UNC5D: variants seen among roughly 807,000 people sequenced by gnomAD.
UNC5D encodes netrin receptor UNC5D.
Under a neutral mutation model 105.4 loss-of-function variants are expected in UNC5D, and 39 were observed. The ratio of observed to expected loss-of-function variants is 0.37; its 90% CI spans 0.29 to 0.48. UNC5D has a LOEUF of 0.48. UNC5D is among the 20% of genes least tolerant of loss of function. The probability of loss-of-function intolerance (pLI) is 0.98; values close to 1 mark genes in which losing one functional copy is unlikely to be tolerated. For missense variants in UNC5D, 991 were observed against 1,202.4 expected, an observed-to-expected ratio of 0.82 and a Z score of 2.60; for synonymous variants, 452 against 450.4, an observed-to-expected ratio of 1.00 and a Z score of -0.04.
At chr8:35,313,782 A>G (rs192930373) in intron 1 of UNC5D, among the ~76,000 whole-genome samples, 82 of 152,284 alleles carry the variant, frequency 5.4e-4, no homozygotes, top group Admixed American at 2.1e-3. Flanking sequence ...ACATGGACAT[A>G]ATAACAGTAC....
Position 35,508,136 on chromosome 8 carries a change from A to G in UNC5D, c.104-41156A>G, listed in dbSNP as rs1812457508. Among the ~76,000 whole-genome samples the G allele has an allele frequency of 1.3e-5, 2 of 152,164 alleles. 1 individual carries two copies. The highest frequency in any genetic ancestry group is 1.3e-4 in the Admixed American group (2 of 15,286). On this transcript the variant is annotated intron_variant, in intron 1 of 16. Transcript: ENST00000404895. ...AACAATCCCAAGGCTGTTGCACAAA[A>G]TGAAGGGGTGAATATATGTGGAAGT...
chr8:35,646,284 A>G (rs1280596445), intron 4 of UNC5D, among the ~76,000 whole-genome samples: 3 of 152,130 alleles, frequency 2.0e-5, no homozygotes, highest in African/African-American at 4.8e-5. Context: ...CTACAACATT[A>G]AAACATTCTT....
intron 11 of UNC5D, among the ~76,000 whole-genome samples, chr8:35,740,820 A>G (rs930492264): frequency 6.6e-6 from 1 of 152,146 alleles, no homozygotes; most frequent in South Asian, 2.1e-4. Flanking sequence ...ACCCCATGCC[A>G]TGCATCTGAA....
intron 1 of UNC5D, among the ~76,000 whole-genome samples, chr8:35,448,662 T>A (rs1228421829): frequency 6.6e-6 from 1 of 152,174 alleles, no homozygotes; most frequent in Non-Finnish European, 1.5e-5. Context: ...TTTTGTTACA[T>A]GGATTTATTG....
At chr8:35,587,964 TA>T (rs1818896131) in intron 3 of UNC5D, among the ~76,000 whole-genome samples, 4 of 32,488 alleles carry the variant, frequency 1.2e-4, no homozygotes, top group Middle Eastern at 0.019. Flanking sequence ...ATAACTATAA[TA>T]ATATATATAT....
Position 35,616,011 on chromosome 8 carries a change from T to C in UNC5D, c.570+20354T>C, listed in dbSNP as rs534101175. Among the ~76,000 whole-genome samples, 17 of 152,362 alleles carry C rather than the reference T, an allele frequency of 1.1e-4. No individual in the cohort carries two copies. The South Asian group carries it at 2.9e-3, about 26-fold the overall frequency. On this transcript the variant is annotated intron_variant, in intron 4 of 16. Transcript: ENST00000404895. ...ATATCCCTAATATTGCTATCCTTGA[T>C]AGACTCATTTAATATATACATCCAT... is the stretch of plus-strand genomic sequence containing the variant.
At chr8:35,674,880 C>A (rs889075885) in intron 4 of UNC5D, among the ~76,000 whole-genome samples, 1 of 152,130 alleles carries the variant, frequency 6.6e-6, no homozygotes, top group African/African-American at 2.4e-5. Context: ...TTGTAAGATG[C>A]TAACTTCAAA....
At chr8:35,719,401 A>C (rs985875885) in intron 8 of UNC5D, among the ~76,000 whole-genome samples, 1 of 152,196 alleles carries the variant, frequency 6.6e-6, no homozygotes, top group Non-Finnish European at 1.5e-5. Context: ...GTGAAGTACA[A>C]CCAGGTAGAT....
At chr8:35,301,911 G>A (rs1807988126) in intron 1 of UNC5D, among the ~76,000 whole-genome samples, 1 of 152,168 alleles carries the variant, frequency 6.6e-6, no homozygotes, top group Non-Finnish European at 1.5e-5. Context: ...GACGCAGGCA[G>A]GATGTACAGG....
At chr8:35,466,173 G>T (rs916167217) in intron 1 of UNC5D, among the ~76,000 whole-genome samples, 7 of 152,070 alleles carry the variant, frequency 4.6e-5, no homozygotes, top group African/African-American at 1.7e-4. Context: ...TTTTCCTCAT[G>T]CTGATCATAA....
At chr8:35,592,797 G>A (rs1487750300) in intron 3 of UNC5D, among the ~76,000 whole-genome samples, 1 of 151,982 alleles carries the variant, frequency 6.6e-6, no homozygotes, top group East Asian at 1.9e-4. Flanking sequence ...TATATATAGT[G>A]CCCTAGTTGT....
chr8:35,486,036 T>A (rs1372796604), intron 1 of UNC5D, among the ~76,000 whole-genome samples: 1 of 152,210 alleles, frequency 6.6e-6, no homozygotes, highest in Non-Finnish European at 1.5e-5. Flanking sequence ...CACACTGCTT[T>A]TTTTTCTAGG....
At chr8:35,367,471 G>A (rs751812627) in intron 1 of UNC5D, among the ~76,000 whole-genome samples, 58 of 152,176 alleles carry the variant, frequency 3.8e-4, no homozygotes, top group Non-Finnish European at 6.2e-4. Flanking sequence ...ATCATGTTGG[G>A]GACTAGTGTG....
Position 35,764,521 on chromosome 8 carries a change from G to C in UNC5D, c.2314-2381G>C, listed in dbSNP as rs543942662. Among the ~76,000 whole-genome samples the C allele has an allele frequency of 1.4e-4, 21 of 152,302 alleles. No individual in the cohort carries two copies. In the East Asian group the frequency reaches 3.9e-3, roughly 28 times the overall value. ...CAAGGAGAAATGGCAGAACTTCTAA[G>C]TGCATATGATGATACAAGTGAAAAG... On this transcript the variant is annotated intron_variant, in intron 14 of 16. Coordinates refer to ENST00000404895, the MANE Select transcript of UNC5D (RefSeq NM_080872.4).
Position 35,790,831 on chromosome 8 carries a change from AAGTG to A in UNC5D, c.*271_*274del. 4.0e-6 allele frequency: 2 copies of A among 495,618 alleles called. No homozygotes were observed. Among genetic ancestry groups the A allele is most frequent in the South Asian group, 4.9e-5 (2 of 40,452 alleles). The allele number at this position is 495,618 out of a possible 1,614,324, so 30.7% of individuals were successfully genotyped here. On this transcript the variant is annotated 3_prime_UTR_variant, in exon 17 of 17. Transcript: ENST00000404895. ...CTCAGATTTGGAGTGGCAAGGATAAAAGTGAGGGCAGAAGTAGCTGTGGGAAAAG... is the reference window on the plus strand; with the variant it reads ...CTCAGATTTGGAGTGGCAAGGATAAAAGGGCAGAAGTAGCTGTGGGAAAAG...
chr8:35,283,611 T>G (rs1806363290), intron 1 of UNC5D, among the ~76,000 whole-genome samples: 1 of 150,988 alleles, frequency 6.6e-6, no homozygotes, highest in African/African-American at 2.4e-5. Context: ...AAATACAAAA[T>G]TACAAAACCC....
chr8:35,402,360 G>C (rs1226741630), intron 1 of UNC5D, among the ~76,000 whole-genome samples: 1 of 152,090 alleles, frequency 6.6e-6, no homozygotes, highest in Non-Finnish European at 1.5e-5. Context: ...GAGAGAATGA[G>C]AGCCAAATGA....
chr8:35,540,245 A>G (rs2130623924), intron 1 of UNC5D, among the ~76,000 whole-genome samples: 1 of 152,298 alleles, frequency 6.6e-6, no homozygotes, highest in South Asian at 2.1e-4. Context: ...TCTCAGCAAG[A>G]TATTCTTTTT....
At chr8:35,441,525 C>T (rs369387390) in intron 1 of UNC5D, among the ~76,000 whole-genome samples, 19 of 151,818 alleles carry the variant, frequency 1.3e-4, no homozygotes, top group Admixed American at 7.9e-4. Context: ...TTAGTCTCCT[C>T]CACTTCCTTT....
Sources: gnomAD v4.1 joint callset for allele counts (sites outside exome capture counted in the v4.1 genomes callset) on GRCh38, gnomAD v4.1.1 for gene constraint, MANE v1.5 for transcripts, NCBI Gene and HGNC (gene_info 2026-07-23, HGNC 2026-07-21) for gene names.